The following TSPAN11 variants were observed in gnomAD, a reference collection of about 807,000 sequenced individuals.
TSPAN11 encodes the protein tetraspanin 11.
In TSPAN11, 29 loss-of-function variants were observed where a neutral mutation model predicts 32.9. That is an observed-to-expected ratio of 0.88 (90% CI 0.66 to 1.20). The LOEUF is 1.20. Among genes scored for constraint, TSPAN11 ranks in the 50% most tolerant of loss-of-function variants. The pLI is 0.00. For missense variants in TSPAN11, 283 were observed against 329.1 expected, an observed-to-expected ratio of 0.86 and a Z score of 1.08; for synonymous variants, 140 against 141.3, an observed-to-expected ratio of 0.99 and a Z score of 0.07.
At chr12:30,967,227 G>T (rs12320748) in intron 3 of TSPAN11, among the ~76,000 whole-genome samples, 2,737 of 152,308 alleles carry the variant, frequency 0.018, 88 homozygotes, top group African/African-American at 0.062. Context: ...GCTGATCCAT[G>T]AAGAATGAAT....
rs1939357231 is a variant in TSPAN11, at chr12:30,993,459, A to G, written c.*1544A>G. 2 of 152,302 alleles carry G rather than the reference A, an allele frequency of 1.3e-5. No homozygotes were observed. Among genetic ancestry groups the G allele is most frequent in the Non-Finnish European group, 2.9e-5 (2 of 68,108 alleles). 9.4% of individuals were successfully genotyped at this position (152,302 alleles called of 1,614,324 possible). A position where few individuals can be genotyped will look rare whatever the true frequency, so the allele number is the denominator to read the frequency against. On this transcript the variant is annotated 3_prime_UTR_variant, in exon 8 of 8. Transcript: ENST00000546076. ...TGCATCCTCAGCACAGGAAGTACCC[A>G]CATGGACAGAGGGAAGCCCAGCCTC...
At chr12:30,959,614 GA>G (rs35860050) in intron 2 of TSPAN11, among the ~76,000 whole-genome samples, 5 of 151,128 alleles carry the variant, frequency 3.3e-5, no homozygotes, top group Non-Finnish European at 7.4e-5. Context: ...TAAAACCCAG[GA>G]AAAAAAATAC....
At chr12:30,926,967 G>A (rs1592453853) in intron 1 of TSPAN11, 171 bp downstream of exon 1, 1 of 1,281,076 alleles carries the variant, frequency 7.8e-7, no homozygotes, top group Non-Finnish European at 1.0e-6. Context: ...GAGTGGAGGA[G>A]GCAGGAATGC....
intron 1 of TSPAN11, among the ~76,000 whole-genome samples, chr12:30,936,580 G>A (rs1457665112): frequency 1.3e-5 from 2 of 152,232 alleles, no homozygotes; most frequent in African/African-American, 4.8e-5. Flanking sequence ...GTTCATTGAG[G>A]AGAGCTGCAG....
At chr12:30,935,231 A>T (rs1015122311) in intron 1 of TSPAN11, among the ~76,000 whole-genome samples, 1 of 152,096 alleles carries the variant, frequency 6.6e-6, no homozygotes, top group Non-Finnish European at 1.5e-5. Flanking sequence ...CACAGAAATC[A>T]TACATCCATT....
rs1324001757 is a variant in TSPAN11, at chr12:30,978,493, T to G, written c.277-68T>G. 10 of 1,477,356 alleles carry G rather than the reference T, an allele frequency of 6.8e-6. No homozygotes were observed. The Admixed American group carries it at 1.7e-4, about 25-fold the overall frequency. The allele number at this position is 1,477,356 out of a possible 1,614,324, so 91.5% of individuals were successfully genotyped here. A position where few individuals can be genotyped will look rare whatever the true frequency, so the allele number is the denominator to read the frequency against. ...CAGGTATCTCTACCACCCCCACCAC[T>G]GTGGGGAAACATTTGTCATAGCAGC... is the stretch of plus-strand genomic sequence containing the variant. On this transcript the variant is annotated intron_variant, in intron 3 of 7. Transcript: ENST00000546076.
intron 5 of TSPAN11, among the ~76,000 whole-genome samples, chr12:30,980,611 T>C (rs1278634106): frequency 1.5e-5 from 2 of 137,134 alleles, no homozygotes; most frequent in East Asian, 4.5e-4. Context: ...CAAGTAGAGG[T>C]AGTAGATGTG....
At chr12:30,936,143 A>G (rs1938040109) in intron 1 of TSPAN11, among the ~76,000 whole-genome samples, 1 of 151,786 alleles carries the variant, frequency 6.6e-6, no homozygotes, top group Non-Finnish European at 1.5e-5. Context: ...TAAAATCCTG[A>G]AATCTTGAGC....
chr12:30,979,948 G>C (rs1436401449), intron 5 of TSPAN11, among the ~76,000 whole-genome samples: 2 of 152,174 alleles, frequency 1.3e-5, no homozygotes, highest in African/African-American at 4.8e-5. Context: ...CCGTTCTGGG[G>C]CCTCTGTGGC....
At chr12:30,962,062 G>GA (rs1565795819) in intron 2 of TSPAN11, among the ~76,000 whole-genome samples, 1 of 152,006 alleles carries the variant, frequency 6.6e-6, no homozygotes, top group African/African-American at 2.4e-5. Context: ...GTACCACTAA[G>GA]AAAAACTACT....
chr12:31,011,565 CGCCTCCTGCGGG>C, the TSPAN11 span, among the ~76,000 whole-genome samples: 1 of 152,348 alleles, frequency 6.6e-6, no homozygotes. Context: ...ACAACCCACT[CGCCTCCTGCGGG>C]GAACCAGACA....
chr12:30,972,651 C>A (rs182743254), intron 3 of TSPAN11, among the ~76,000 whole-genome samples: 176 of 152,150 alleles, frequency 1.2e-3, no homozygotes, highest in African/African-American at 4.0e-3. Context: ...TAAGAGCAGG[C>A]TGGGTTGAAT....
intron 1 of TSPAN11, among the ~76,000 whole-genome samples, chr12:30,930,157 AC>A (rs1937891181): frequency 1.3e-5 from 2 of 152,066 alleles, no homozygotes; most frequent in Admixed American, 6.5e-5. Context: ...GTTTATACTC[AC>A]AAGATGGCAC....
intron 2 of TSPAN11, chr12:30,954,300 A>T (rs1938440762): frequency 3.5e-6 from 2 of 578,996 alleles, no homozygotes. Flanking sequence ...ACCACATGGC[A>T]TCTGAATAGA....
the TSPAN11 span, among the ~76,000 whole-genome samples, chr12:31,002,247 A>G: frequency 6.6e-6 from 1 of 152,046 alleles, no homozygotes; most frequent in Non-Finnish European, 1.5e-5. The surrounding 1 kb of genome is among the most constrained non-coding windows in gnomAD (Gnocchi z 4.8). Context: ...ATGCCTTGGG[A>G]CAATTTCACG....
rs55772956 is a variant in TSPAN11, at chr12:30,984,552, CTTTTTTT to C, written c.702+1420_702+1426del. Among the ~76,000 whole-genome samples, 31 of 68,578 alleles carry C rather than the reference CTTTTTTT, an allele frequency of 4.5e-4. 1 individual carries two copies. The highest frequency in any genetic ancestry group is 2.4e-3 in the South Asian group (4 of 1,666). 45.0% of individuals were successfully genotyped at this position (68,578 alleles called of 152,430 possible). On this transcript the variant is annotated intron_variant, in intron 7 of 7. Transcript: ENST00000546076. ...AAGGAGTAGTGTTCTTCGCTTTTTG[CTTTTTTT>C]TTTTTTTTTTTTTTTTTGCGCGACA...
At chr12:31,013,243 G>C in the TSPAN11 span, among the ~76,000 whole-genome samples, 1 of 152,160 alleles carries the variant, frequency 6.6e-6, no homozygotes, top group African/African-American at 2.4e-5. Flanking sequence ...GGGAAGTCAG[G>C]AAAAGCCTCT....
intron 2 of TSPAN11, among the ~76,000 whole-genome samples, chr12:30,957,228 AC>A (rs56296744): frequency 0.13 from 13,428 of 106,620 alleles, 644 homozygotes; most frequent in African/African-American, 0.18. Context: ...ATGGCCTGGG[AC>A]CCCCCCCCCC....
chr12:30,935,781 G>A (rs749573761), intron 1 of TSPAN11, among the ~76,000 whole-genome samples: 2 of 152,122 alleles, frequency 1.3e-5, no homozygotes, highest in African/African-American at 4.8e-5. Flanking sequence ...AGCCTCCTCC[G>A]CTCCCCTAGC....
Sources: gnomAD v4.1 joint callset for allele counts (sites outside exome capture counted in the v4.1 genomes callset) on GRCh38, gnomAD v4.1.1 for gene constraint, Gnocchi (gnomAD v3.1) non-coding constraint, MANE v1.5 for transcripts, NCBI Gene and HGNC (gene_info 2026-07-23, HGNC 2026-07-21) for gene names.